HPS1: variants seen among roughly 807,000 people sequenced by gnomAD.
The protein encoded by HPS1 is BLOC-3 complex member HPS1.
HPS1 carries 59 observed loss-of-function variants against 90.6 expected under a neutral mutation model. The observed-to-expected ratio is 0.65, with a 90% CI of 0.53 to 0.81. HPS1 has a LOEUF of 0.81. HPS1 is among the 30% of genes least tolerant of loss of function. The pLI, the probability that HPS1 is intolerant of heterozygous loss-of-function variation, is 0.00. For missense variants in HPS1, 849 were observed against 896.7 expected, an observed-to-expected ratio of 0.95 and a Z score of 0.68; for synonymous variants, 388 against 384.4, an observed-to-expected ratio of 1.01 and a Z score of -0.11.
intron 14 of HPS1, among the ~76,000 whole-genome samples, 198 bp from the exon 15 acceptor site, chr10:98,424,085 C>T (rs1326326146): frequency 6.6e-6 from 1 of 152,160 alleles, no homozygotes; most frequent in Non-Finnish European, 1.5e-5. Context: ...TGCTCCTGCA[C>T]CCAGGACAGA....
At chr10:98,446,045 C>T (rs1939455987) in intron 1 of HPS1, among the ~76,000 whole-genome samples, 1 of 152,160 alleles carries the variant, frequency 6.6e-6, no homozygotes, top group South Asian at 2.1e-4. Flanking sequence ...TTCCCTTCTT[C>T]AAATAACAGG....
chr10:98,425,472 G>A, intron 13 of HPS1, 69 bp downstream of exon 13: 3 of 1,500,016 alleles, frequency 2.0e-6, no homozygotes, highest in Non-Finnish European at 2.7e-6. Flanking sequence ...CAGCTGCTGT[G>A]GACCGGATGT....
intron 16 of HPS1, among the ~76,000 whole-genome samples, 171 bp downstream of exon 16, chr10:98,423,432 G>A (rs999785251): frequency 1.3e-5 from 2 of 152,144 alleles, no homozygotes; most frequent in Admixed American, 1.3e-4. Flanking sequence ...TATAGACAAG[G>A]CACATGGGCC....
rs755030855 is a variant in HPS1 at position 98,425,697 on chromosome 10, C to G, written c.1179G>C (p.Leu393=). ...LTRSPSAPLA[L]VLSQLMDGFS... is the part of the protein sequence containing the mutation. ...AGCCATCCATCAGCTGGGACAGAACCAGGGCCAGGGGCGCGCTGGGGCTCT... is the reference window on the plus strand; with the variant it reads ...AGCCATCCATCAGCTGGGACAGAACGAGGGCCAGGGGCGCGCTGGGGCTCT... The change falls in exon 13 of 20, where the codon CTG becomes CTC. Residue 393 remains leucine, a synonymous_variant. Coordinates refer to ENST00000361490, the MANE Select transcript of HPS1 (RefSeq NM_000195.5). The G allele has an allele frequency of 3.7e-6, 6 of 1,612,172 alleles. No homozygotes were observed. The Admixed American group carries it at 1.0e-4, about 27-fold the overall frequency.
chr10:98,444,143 G>A (rs1420334397), intron 2 of HPS1, among the ~76,000 whole-genome samples: 1 of 152,108 alleles, frequency 6.6e-6, no homozygotes, highest in Non-Finnish European at 1.5e-5. Flanking sequence ...TTCAAATGCT[G>A]CTCTCCCTGT....
intron 17 of HPS1, among the ~76,000 whole-genome samples, chr10:98,421,979 G>GACAGACACACAC (rs1554886645): frequency 7.1e-6 from 1 of 139,936 alleles, no homozygotes; most frequent in East Asian, 2.0e-4. Context: ...CACACACACA[G>GACAGACACACAC]ACACACACAC....
intron 6 of HPS1, among the ~76,000 whole-genome samples, chr10:98,433,089 A>G (rs946085908): frequency 2.6e-5 from 4 of 152,044 alleles, no homozygotes; most frequent in Non-Finnish European, 4.4e-5. Flanking sequence ...AAAATTAGCC[A>G]GGCGTGGTGG....
At chr10:98,441,255 G>C (rs1938365022) in intron 3 of HPS1, among the ~76,000 whole-genome samples, 1 of 152,168 alleles carries the variant, frequency 6.6e-6, no homozygotes, top group Non-Finnish European at 1.5e-5. Flanking sequence ...AAAATGTAGA[G>C]TGGAAATTAT....
Position 98,431,183 on chromosome 10 carries a change from C to A in HPS1, c.616G>T (p.Ala206Ser). 1 of 1,614,122 alleles carries A rather than the reference C, an allele frequency of 6.2e-7. No individual in the cohort carries two copies. Among genetic ancestry groups the A allele is most frequent in the East Asian group, 2.2e-5 (1 of 44,878 alleles). Residue 206 changes from alanine (A) to serine (S), a missense_variant, in exon 7 of 20, where the codon GCC (alanine) becomes TCC (serine). Physicochemically the swap from Ala to Ser is moderately conservative, Grantham distance 99. Transcript: ENST00000361490. ...NTSPERGGEE[A>S]LHAFLLVHSK... ...TGCACGAGCAGGAAGGCATGCAGGG[C>A]CTCCTCGCCTCCCCGCTCGGGGCTG...
At chr10:98,427,590 GC>G (rs1329926305) in intron 10 of HPS1, among the ~76,000 whole-genome samples, 1 of 148,786 alleles carries the variant, frequency 6.7e-6, no homozygotes, top group Non-Finnish European at 1.5e-5. Context: ...CCCCTCCCTT[GC>G]CCCCAATCCC....
At chr10:98,424,260 G>C in intron 14 of HPS1, 53 bp downstream of exon 14, 1 of 1,357,480 alleles carries the variant, frequency 7.4e-7, no homozygotes, top group Non-Finnish European at 1.1e-6. Context: ...GCCTCCCAGG[G>C]AACAGTCCCC....
intron 14 of HPS1, 90 bp from the exon 15 acceptor site, chr10:98,423,977 A>T: frequency 6.6e-7 from 1 of 1,520,314 alleles, no homozygotes; most frequent in Non-Finnish European, 9.0e-7. Flanking sequence ...CACCCAGGAC[A>T]GACAGACCTG....
intron 18 of HPS1, 37 bp downstream of exon 18, chr10:98,420,008 G>A: frequency 3.2e-6 from 4 of 1,245,616 alleles, no homozygotes; most frequent in Non-Finnish European, 1.2e-6. Flanking sequence ...GGAAGTGTGT[G>A]TGGCCCGTCC....
intron 10 of HPS1, 81 bp downstream of exon 10, chr10:98,429,492 C>T: frequency 6.2e-7 from 1 of 1,610,274 alleles, no homozygotes; most frequent in Non-Finnish European, 8.5e-7. Flanking sequence ...CGGGGGTCCA[C>T]TGGAGCCTAA....
intron 18 of HPS1, among the ~76,000 whole-genome samples, chr10:98,418,466 G>A (rs1353182842): frequency 6.6e-6 from 1 of 152,212 alleles, no homozygotes; most frequent in Non-Finnish European, 1.5e-5. Flanking sequence ...TCAAGGGCCG[G>A]CAGGGTAGCT....
intron 6 of HPS1, 51 bp from the exon 7 acceptor site, chr10:98,431,342 C>G (rs368704463): frequency 6.3e-7 from 1 of 1,588,932 alleles, no homozygotes; most frequent in Non-Finnish European, 8.6e-7. Flanking sequence ...AACCTTGCCC[C>G]ACTCCAAGCC....
At chr10:98,429,221 T>C in intron 10 of HPS1, 1 of 1,061,372 alleles carries the variant, frequency 9.4e-7, no homozygotes, top group South Asian at 2.1e-5. Flanking sequence ...AGATGCTGAA[T>C]ATATTTTAGA....
intron 18 of HPS1, among the ~76,000 whole-genome samples, 168 bp downstream of exon 18, chr10:98,419,877 C>T: frequency 6.6e-6 from 1 of 152,232 alleles, no homozygotes; most frequent in Non-Finnish European, 1.5e-5. Flanking sequence ...GTTAAACGCC[C>T]ATGTGAAAAT....
At position 98,435,336 on chromosome 10, in the gene HPS1, G is replaced by A; in HGVS notation, c.334C>T (p.Leu112Phe). Residue 112 changes from leucine (L) to phenylalanine (F), a missense_variant, in exon 5 of 20, where the codon CTC (leucine) becomes TTC (phenylalanine). By Grantham distance (22) the Leu-to-Phe change is conservative. Coordinates refer to ENST00000361490, the MANE Select transcript of HPS1 (RefSeq NM_000195.5). The surrounding 1 kb of genome is among the most constrained non-coding windows in gnomAD (Gnocchi z 4.3). ...AAGTGCACTTCAAACAGGTACTTGAGCACATACAGCTTCCGCCGCAGGTCC... is the reference window on the plus strand; with the variant it reads ...AAGTGCACTTCAAACAGGTACTTGAACACATACAGCTTCCGCCGCAGGTCC... ...EGDLRRKLYVLKYLFEVHFGL... is the reference protein window; with the variant it reads ...EGDLRRKLYVFKYLFEVHFGL... 2.5e-6 allele frequency: 4 copies of A among 1,613,912 alleles called. No individual in the cohort carries two copies. The highest frequency in any genetic ancestry group is 3.4e-6 in the Non-Finnish European group (4 of 1,179,984).
Sources: allele counts gnomAD v4.1 joint callset (sites outside exome capture counted in the v4.1 genomes callset), GRCh38; gene constraint gnomAD v4.1.1; non-coding constraint Gnocchi (gnomAD v3.1); transcripts MANE v1.5; gene names NCBI Gene and HGNC (gene_info 2026-07-23, HGNC 2026-07-21).